Variants in HPSE2 observed in about 807,000 individuals in gnomAD.
The protein encoded by HPSE2 is inactive heparanase-2.
A neutral mutation model predicts 60.5 loss-of-function variants in HPSE2; 38 were observed. The observed-to-expected ratio is 0.63, with a 90% confidence interval of 0.48 to 0.82. The LOEUF is 0.82. HPSE2 is among the 40% of genes least tolerant of loss of function. The pLI is 0.00. For missense variants in HPSE2, 713 were observed against 740.4 expected (o/e 0.96, Z 0.43); for synonymous variants, 295 against 293.2 (o/e 1.01, Z -0.06).
intron 3 of HPSE2, among the ~76,000 whole-genome samples, chr10:99,047,176 C>T (rs571241331): frequency 5.1e-4 from 78 of 152,252 alleles, no homozygotes; most frequent in African/African-American, 1.0e-3. Flanking sequence ...CACATATTTA[C>T]AACCATCTGA....
intron 3 of HPSE2, among the ~76,000 whole-genome samples, chr10:98,932,814 G>C: frequency 7.0e-6 from 1 of 143,514 alleles, no homozygotes; most frequent in Non-Finnish European, 1.5e-5. Context: ...TCTAGGGTCA[G>C]TGATGGTATC....
intron 11 of HPSE2, among the ~76,000 whole-genome samples, chr10:98,470,994 C>T (rs1940757490): frequency 6.6e-6 from 1 of 152,152 alleles, no homozygotes; most frequent in South Asian, 2.1e-4. Flanking sequence ...ATTTCATAAT[C>T]CTCTAATCGG....
the HPSE2 span, among the ~76,000 whole-genome samples, chr10:99,266,433 G>A: frequency 6.6e-6 from 1 of 152,018 alleles, no homozygotes; most frequent in Admixed American, 6.6e-5. Flanking sequence ...ATCCCCCTGA[G>A]AATATAACTC....
intron 3 of HPSE2, among the ~76,000 whole-genome samples, chr10:98,958,078 C>T (rs535926060): frequency 2.6e-4 from 39 of 152,072 alleles, no homozygotes; most frequent in Non-Finnish European, 5.4e-4. Flanking sequence ...CCAGAAAGTT[C>T]AGCTGTTTAA....
At chr10:98,487,417 T>C (rs923294213) in intron 10 of HPSE2, among the ~76,000 whole-genome samples, 8 of 152,192 alleles carry the variant, frequency 5.3e-5, no homozygotes, top group Non-Finnish European at 1.2e-4. Context: ...GTCAGGGAGA[T>C]GTGAAATGGA....
At chr10:98,795,015 A>G (rs1950743679) in intron 3 of HPSE2, among the ~76,000 whole-genome samples, 1 of 46,028 alleles carries the variant, frequency 2.2e-5, no homozygotes, top group Non-Finnish European at 4.5e-5. Context: ...AAGGAGAGAG[A>G]GAGAGAAGGA....
At chr10:99,143,634 A>T (rs964241400) in intron 3 of HPSE2, among the ~76,000 whole-genome samples, 1 of 152,144 alleles carries the variant, frequency 6.6e-6, no homozygotes, top group Admixed American at 6.6e-5. Context: ...GCCTGACAAA[A>T]CCATGCAGCT....
At chr10:99,048,706 C>G (rs1957918083) in intron 3 of HPSE2, among the ~76,000 whole-genome samples, 1 of 152,112 alleles carries the variant, frequency 6.6e-6, no homozygotes, top group Non-Finnish European at 1.5e-5. Flanking sequence ...AGCTACCATT[C>G]AACCCCACAA....
At chr10:99,137,362 C>T (rs945144228) in intron 3 of HPSE2, among the ~76,000 whole-genome samples, 1 of 152,132 alleles carries the variant, frequency 6.6e-6, no homozygotes, top group Admixed American at 6.5e-5. Context: ...CAAGCTACCA[C>T]TGACTTTCTT....
At chr10:98,949,768 A>G (rs1267209015) in intron 3 of HPSE2, among the ~76,000 whole-genome samples, 1 of 152,130 alleles carries the variant, frequency 6.6e-6, no homozygotes, top group Non-Finnish European at 1.5e-5. Context: ...AAAAAAATTA[A>G]GTAAGATTAT....
chr10:99,245,394 GA>G, the HPSE2 span, among the ~76,000 whole-genome samples: 11 of 152,216 alleles, frequency 7.2e-5, no homozygotes, highest in Admixed American at 1.3e-4. Context: ...TTCAGGTAAT[GA>G]GGAGAAATAG....
chr10:98,986,855 C>A (rs948826694), intron 3 of HPSE2, among the ~76,000 whole-genome samples: 5 of 152,160 alleles, frequency 3.3e-5, no homozygotes, highest in Admixed American at 3.3e-4. Flanking sequence ...TCAGAGAATA[C>A]TATAAACACC....
chr10:98,897,766 G>A (rs925088409), intron 3 of HPSE2, among the ~76,000 whole-genome samples: 10 of 152,016 alleles, frequency 6.6e-5, no homozygotes, highest in Non-Finnish European at 1.5e-4. Flanking sequence ...GGAGAAAATG[G>A]TTGAGACCTT....
At chr10:99,094,203 C>T (rs532310030) in intron 3 of HPSE2, among the ~76,000 whole-genome samples, 18 of 151,954 alleles carry the variant, frequency 1.2e-4, no homozygotes, top group African/African-American at 4.1e-4. Context: ...TTAATTTCCA[C>T]ATTGGAGCAG....
chr10:98,717,624 G>A (rs1191266671), intron 5 of HPSE2, among the ~76,000 whole-genome samples: 2 of 151,972 alleles, frequency 1.3e-5, no homozygotes, highest in Non-Finnish European at 1.5e-5. Flanking sequence ...CTGGTGGGTG[G>A]AGCAGACAGA....
intron 3 of HPSE2, among the ~76,000 whole-genome samples, chr10:98,867,388 T>C (rs1016732825): frequency 6.6e-6 from 1 of 151,216 alleles, no homozygotes; most frequent in African/African-American, 2.4e-5. Context: ...AAAAAGCATA[T>C]GAAAAAGTGC....
intron 3 of HPSE2, among the ~76,000 whole-genome samples, chr10:99,104,516 A>G (rs566907448): frequency 2.0e-4 from 30 of 152,288 alleles, no homozygotes; most frequent in African/African-American, 6.7e-4. Context: ...ATTCCTCAAC[A>G]ATCTAGAACT....
At chr10:99,158,333 G>A (rs1054946374) in intron 2 of HPSE2, among the ~76,000 whole-genome samples, 1 of 112,410 alleles carries the variant, frequency 8.9e-6, no homozygotes, top group African/African-American at 3.0e-5. Flanking sequence ...ATTCACAATA[G>A]CAAAGACTTG....
intron 2 of HPSE2, among the ~76,000 whole-genome samples, chr10:99,224,420 G>C (rs914970521): frequency 1.0e-4 from 15 of 143,672 alleles, no homozygotes; most frequent in South Asian, 9.0e-4. Flanking sequence ...CTTTCTCTCT[G>C]ACACACACAC....
Sources: allele counts gnomAD v4.1 joint callset (sites outside exome capture counted in the v4.1 genomes callset), GRCh38; gene constraint gnomAD v4.1.1; transcripts MANE v1.5; gene names NCBI Gene and HGNC (gene_info 2026-07-23, HGNC 2026-07-21).